MYO3A: variants seen among roughly 807,000 people sequenced by gnomAD.
MYO3A encodes the protein myosin IIIA, also known as myosin-IIIa.
Under a neutral mutation model 192.7 loss-of-function variants are expected in MYO3A, and 180 were observed. The ratio of observed to expected loss-of-function variants is 0.93; its 90% CI spans 0.83 to 1.06. MYO3A has a LOEUF of 1.06. Ranked by LOEUF, MYO3A falls within the 50% of genes least tolerant of loss-of-function variation. The pLI, the probability that MYO3A is intolerant of heterozygous loss-of-function variation, is 0.00. For synonymous variants in MYO3A, 628 were observed against 645.3 expected, an observed-to-expected ratio of 0.97 and a Z score of 0.41; for missense variants, 1,896 against 1,905.0, an observed-to-expected ratio of 1.00 and a Z score of 0.09.
intron 23 of MYO3A, 107 bp from the exon 24 acceptor site, chr10:26,153,743 A>T (rs1840936103): frequency 1.4e-6 from 1 of 739,860 alleles, no homozygotes; most frequent in East Asian, 2.7e-5. Flanking sequence ...ATGATTATGA[A>T]TATTGCAGGA....
At chr10:26,126,748 T>A (rs934063656) in intron 19 of MYO3A, among the ~76,000 whole-genome samples, 1 of 152,224 alleles carries the variant, frequency 6.6e-6, no homozygotes, top group African/African-American at 2.4e-5. Context: ...TGGCACTAAA[T>A]GATACCTACC....
Position 26,173,812 on chromosome 10 carries a change from A to G in MYO3A, c.3548A>G (p.Asn1183Ser), listed in dbSNP as rs1032594067. 6.2e-7 allele frequency: 1 copy of G among 1,614,052 alleles called. No individual in the cohort carries two copies. Among genetic ancestry groups the G allele is most frequent in the Non-Finnish European group, 8.5e-7 (1 of 1,180,042 alleles). ...ACCACCAATGCTGTGGAGAGTAACA[A>G]CAGAGTGTATCAGACTCCAAAAAAA... ...EETTNAVESN[N>S]RVYQTPKKMN... Residue 1183 changes from asparagine (N) to serine (S), a missense_variant, in exon 30 of 35, where the codon AAC (asparagine) becomes AGC (serine). Coordinates refer to ENST00000642920, the MANE Select transcript of MYO3A (RefSeq NM_017433.5).
intron 2 of MYO3A, among the ~76,000 whole-genome samples, chr10:25,942,667 A>G (rs1836574557): frequency 6.6e-6 from 1 of 152,070 alleles, no homozygotes; most frequent in Non-Finnish European, 1.5e-5. Flanking sequence ...TTGCATTGTG[A>G]CTTTTTGATT....
chr10:26,156,928 A>C (rs1017973623), intron 25 of MYO3A, among the ~76,000 whole-genome samples: 2 of 152,216 alleles, frequency 1.3e-5, no homozygotes, highest in African/African-American at 4.8e-5. Flanking sequence ...TGGACAAGGA[A>C]ATTAATATAT....
At chr10:26,022,664 G>T (rs1842366444) in intron 8 of MYO3A, 1 of 152,128 alleles carries the variant, frequency 6.6e-6, no homozygotes, top group African/African-American at 2.4e-5. Flanking sequence ...TTTGAAGAAA[G>T]CAGGAAAAAA....
At chr10:26,160,186 C>G (rs927205766) in intron 26 of MYO3A, among the ~76,000 whole-genome samples, 3 of 152,044 alleles carry the variant, frequency 2.0e-5, no homozygotes, top group African/African-American at 7.2e-5. Context: ...AGGCACCATG[C>G]TAAGCACTGT....
chr10:26,044,750 C>G (rs769512132), intron 10 of MYO3A, among the ~76,000 whole-genome samples: 1 of 152,168 alleles, frequency 6.6e-6, no homozygotes, highest in African/African-American at 2.4e-5. Context: ...GGGTACATAT[C>G]TGTGTCCTAA....
intron 17 of MYO3A, among the ~76,000 whole-genome samples, chr10:26,099,261 G>T (rs1043962518): frequency 6.6e-6 from 1 of 152,148 alleles, no homozygotes; most frequent in African/African-American, 2.4e-5. Flanking sequence ...CATTGATTTT[G>T]TATCCTGAGA....
At chr10:25,964,390 AT>A in intron 4 of MYO3A, among the ~76,000 whole-genome samples, 1 of 152,282 alleles carries the variant, frequency 6.6e-6, no homozygotes, top group Non-Finnish European at 1.5e-5. Flanking sequence ...GGAATCCAGA[AT>A]TTGGTACATT....
chr10:26,047,310 T>A (rs1160613968), intron 10 of MYO3A, among the ~76,000 whole-genome samples: 6 of 147,530 alleles, frequency 4.1e-5, no homozygotes, highest in Admixed American at 4.1e-4. Context: ...AAAAAAATTA[T>A]TGTAGAGAGA....
intron 17 of MYO3A, among the ~76,000 whole-genome samples, chr10:26,112,286 C>A (rs1429205321): frequency 6.6e-6 from 1 of 152,154 alleles, no homozygotes; most frequent in Non-Finnish European, 1.5e-5. Context: ...TTTGGGAAGG[C>A]TTTTAGTCCA....
intron 10 of MYO3A, among the ~76,000 whole-genome samples, chr10:26,027,648 C>T (rs1478727122): frequency 6.6e-6 from 1 of 152,144 alleles, no homozygotes; most frequent in Non-Finnish European, 1.5e-5. Context: ...CCCAGCCAAA[C>T]ATTTTAAAAC....
At chr10:26,148,063 T>C (rs1840579281) in intron 23 of MYO3A, among the ~76,000 whole-genome samples, 1 of 152,240 alleles carries the variant, frequency 6.6e-6, no homozygotes, top group Admixed American at 6.5e-5. Context: ...CATAGTTTTA[T>C]TGAAGTATAA....
rs79446030 is a variant in MYO3A at position 26,086,546 on chromosome 10, G to A, written c.1360-1657G>A. On this transcript the variant is annotated intron_variant, in intron 14 of 34. Transcript: ENST00000642920. Reference sequence around the variant, plus strand: ...CTGGTTTTAGTATCTTCTATCAGATGTGTTGACCTAGTGGCTTAATATAAC... The same window carrying A: ...CTGGTTTTAGTATCTTCTATCAGATATGTTGACCTAGTGGCTTAATATAAC... Among the ~76,000 whole-genome samples, 685 of 152,118 alleles carry A rather than the reference G, an allele frequency of 4.5e-3. 6 individuals carry two copies. Among genetic ancestry groups the A allele is most frequent in the African/African-American group, 0.016 (650 of 41,494 alleles).
At chr10:26,009,865 TGTG>T (rs1270860937) in intron 6 of MYO3A, among the ~76,000 whole-genome samples, 1 of 152,140 alleles carries the variant, frequency 6.6e-6, no homozygotes, top group African/African-American at 2.4e-5. Flanking sequence ...TAATAGAAAT[TGTG>T]GTGGGCAGGA....
At chr10:26,167,572 G>A (rs1197441066) in intron 27 of MYO3A, among the ~76,000 whole-genome samples, 1 of 152,152 alleles carries the variant, frequency 6.6e-6, no homozygotes, top group Non-Finnish European at 1.5e-5. Context: ...AAAGCTATTT[G>A]TATTCTTCCA....
intron 17 of MYO3A, among the ~76,000 whole-genome samples, chr10:26,110,013 C>T (rs1838060438): frequency 6.6e-6 from 1 of 152,128 alleles, no homozygotes; most frequent in Non-Finnish European, 1.5e-5. Context: ...ATTATAAGGA[C>T]AACAAGAAAG....
chr10:25,977,352 A>G (rs1048290000), intron 4 of MYO3A, among the ~76,000 whole-genome samples: 2 of 152,190 alleles, frequency 1.3e-5, no homozygotes, highest in South Asian at 2.1e-4. Context: ...GTAACAGAGA[A>G]ATAAATTCCT....
intron 34 of MYO3A, among the ~76,000 whole-genome samples, chr10:26,209,903 G>A (rs1475955755): frequency 3.9e-5 from 6 of 152,010 alleles, no homozygotes; most frequent in Admixed American, 1.3e-4. Flanking sequence ...AAGACCAGCC[G>A]GGGTAACATT....
Sources: gnomAD v4.1 joint callset for allele counts (sites outside exome capture counted in the v4.1 genomes callset) on GRCh38, gnomAD v4.1.1 for gene constraint, MANE v1.5 for transcripts, NCBI Gene and HGNC (gene_info 2026-07-23, HGNC 2026-07-21) for gene names.